PRKG1: variants seen among roughly 807,000 people sequenced by gnomAD.
PRKG1 encodes the protein protein kinase cGMP-dependent 1, also known as cGMP-dependent protein kinase 1.
In PRKG1, 35 loss-of-function variants were observed where a neutral mutation model predicts 88.1. The ratio of observed to expected loss-of-function variants is 0.40; its 90% CI spans 0.30 to 0.53. PRKG1 has a LOEUF of 0.53. Among genes scored for constraint, PRKG1 ranks in the 20% least tolerant of loss-of-function variants. PRKG1 has a pLI of 0.59. For synonymous variants in PRKG1, 303 were observed against 292.5 expected (o/e 1.04, Z -0.37); for missense variants, 540 against 839.8 (o/e 0.64, Z 4.41).
intron 7 of PRKG1, among the ~76,000 whole-genome samples, chr10:52,083,681 A>G (rs1240252570): frequency 6.6e-6 from 1 of 152,100 alleles, no homozygotes; most frequent in East Asian, 1.9e-4. Context: ...AGAGGCAAGT[A>G]TAAAGCAAAA....
intron 1 of PRKG1, among the ~76,000 whole-genome samples, chr10:51,133,343 G>C (rs944553677): frequency 6.6e-6 from 1 of 152,110 alleles, no homozygotes; most frequent in Non-Finnish European, 1.5e-5. Flanking sequence ...TCCTTTGCCT[G>C]ATCCACTGCT....
chr10:52,107,627 A>G lies in PRKG1; in HGVS notation c.936-26213A>G, dbSNP rs1847457442. Among the ~76,000 whole-genome samples the G allele has an allele frequency of 2.0e-5, 3 of 152,186 alleles. No individual in the cohort carries two copies. The South Asian group carries it at 6.2e-4, about 31-fold the overall frequency. ...ATGTTGCACTTTGTCTCCTGTCTCA[A>G]TGCCCTAAATAGATCTAAAAGATCT... On this transcript the variant is annotated intron_variant, in intron 7 of 17. Transcript: ENST00000373980.
At chr10:52,126,713 A>C (rs1847939338) in intron 7 of PRKG1, among the ~76,000 whole-genome samples, 1 of 152,118 alleles carries the variant, frequency 6.6e-6, no homozygotes, top group South Asian at 2.1e-4. Flanking sequence ...AGGATAATGG[A>C]AGTTTTATGG....
intron 3 of PRKG1, among the ~76,000 whole-genome samples, chr10:51,793,490 G>C (rs1838926259): frequency 6.6e-6 from 1 of 152,020 alleles, no homozygotes; most frequent in South Asian, 2.1e-4. Flanking sequence ...AGAAATAATA[G>C]CAGAAAACTT....
intron 2 of PRKG1, among the ~76,000 whole-genome samples, chr10:51,383,280 CCAAGATCAGG>C (rs1454576085): frequency 6.6e-6 from 1 of 151,530 alleles, no homozygotes; most frequent in Non-Finnish European, 1.5e-5. Context: ...ATCAACTTGT[CCAAGATCAGG>C]CAAGTAGAAT....
At chr10:52,063,438 G>A (rs1846284775) in intron 7 of PRKG1, among the ~76,000 whole-genome samples, 1 of 152,328 alleles carries the variant, frequency 6.6e-6, no homozygotes, top group Admixed American at 6.5e-5. Flanking sequence ...CCTGGCTCGG[G>A]GAGCTCCCAG....
chr10:50,996,983 C>T (rs1298253044), intron 1 of PRKG1, among the ~76,000 whole-genome samples: 1 of 152,110 alleles, frequency 6.6e-6, no homozygotes, highest in Non-Finnish European at 1.5e-5. Context: ...TTGTAAACAT[C>T]CTTGTATCTT....
At chr10:51,603,949 C>T (rs1316657693) in intron 3 of PRKG1, among the ~76,000 whole-genome samples, 1 of 152,148 alleles carries the variant, frequency 6.6e-6, no homozygotes, top group Non-Finnish European at 1.5e-5. Flanking sequence ...GTGGAAAGAA[C>T]ACTCCATCCG....
At chr10:51,495,322 T>A (rs1251301831) in intron 3 of PRKG1, among the ~76,000 whole-genome samples, 1 of 152,198 alleles carries the variant, frequency 6.6e-6, no homozygotes, top group East Asian at 1.9e-4. Context: ...CTTAGACGCC[T>A]GACCTCAAGT....
chr10:51,059,467 G>T (rs1318594209), intron 1 of PRKG1, among the ~76,000 whole-genome samples: 2 of 151,992 alleles, frequency 1.3e-5, no homozygotes, highest in African/African-American at 4.8e-5. Flanking sequence ...TGCAATCATA[G>T]CTCTCTGCAG....
chr10:51,780,790 G>A (rs537125562), intron 3 of PRKG1, among the ~76,000 whole-genome samples: 1 of 152,244 alleles, frequency 6.6e-6, no homozygotes, highest in South Asian at 2.1e-4. Context: ...AACTGCGAAG[G>A]TCATTAAGTT....
At chr10:51,907,765 A>C (rs1335476896) in intron 5 of PRKG1, 195 bp downstream of exon 5, 4 of 456,556 alleles carry the variant, frequency 8.8e-6, no homozygotes, top group Non-Finnish European at 1.5e-5. Context: ...GAAAGGTGCA[A>C]ATCAACCTAA....
chr10:51,782,847 C>T (rs1838628208), intron 3 of PRKG1, among the ~76,000 whole-genome samples: 1 of 152,096 alleles, frequency 6.6e-6, no homozygotes, highest in Non-Finnish European at 1.5e-5. Context: ...ACTGTAAGTC[C>T]AATTAAACCA....
chr10:51,818,427 C>G (rs1839649724), intron 4 of PRKG1, among the ~76,000 whole-genome samples: 1 of 152,028 alleles, frequency 6.6e-6, no homozygotes, highest in African/African-American at 2.4e-5. Context: ...AAAAAAAAAT[C>G]AAACATGTCA....
intron 5 of PRKG1, among the ~76,000 whole-genome samples, chr10:52,042,756 A>G (rs1298489239): frequency 6.6e-6 from 1 of 152,178 alleles, no homozygotes; most frequent in Non-Finnish European, 1.5e-5. Flanking sequence ...TCTGCCCAGC[A>G]GGGGAAACAA....
At chr10:51,414,201 T>C (rs1277200326) in intron 2 of PRKG1, among the ~76,000 whole-genome samples, 1 of 152,218 alleles carries the variant, frequency 6.6e-6, no homozygotes, top group Non-Finnish European at 1.5e-5. Flanking sequence ...CTCAGAATCA[T>C]ATTCATTGTT....
chr10:52,279,812 CTAA>C (rs1190191455), intron 12 of PRKG1, among the ~76,000 whole-genome samples: 1 of 151,228 alleles, frequency 6.6e-6, no homozygotes, highest in Non-Finnish European at 1.5e-5. Flanking sequence ...GATGTTCACA[CTAA>C]TATTTTTGAA....
At chr10:51,248,268 C>T (rs181367918) in intron 2 of PRKG1, among the ~76,000 whole-genome samples, 10 of 151,982 alleles carry the variant, frequency 6.6e-5, no homozygotes, top group Non-Finnish European at 1.3e-4. Flanking sequence ...ATCAAATATT[C>T]ATACATCCAG....
chr10:51,828,700 T>C (rs1839935563), intron 4 of PRKG1, among the ~76,000 whole-genome samples: 1 of 152,056 alleles, frequency 6.6e-6, no homozygotes, highest in South Asian at 2.1e-4. Context: ...CACAAGAATA[T>C]AGGAAAGAGT....
Sources: gnomAD v4.1 joint callset for allele counts (sites outside exome capture counted in the v4.1 genomes callset) on GRCh38, gnomAD v4.1.1 for gene constraint, MANE v1.5 for transcripts, NCBI Gene and HGNC (gene_info 2026-07-23, HGNC 2026-07-21) for gene names.